Variants in SYP observed in about 807,000 individuals in gnomAD.
SYP encodes major synaptic vesicle protein P38.
A neutral mutation model predicts 24.3 loss-of-function variants in SYP; 2 were observed. That is an observed-to-expected ratio of 0.08 (90% CI 0.03 to 0.26). SYP has a LOEUF of 0.26. SYP is among the 10% of genes least tolerant of loss of function. The probability of loss-of-function intolerance (pLI) is 1.00; values close to 1 mark genes in which losing one functional copy is unlikely to be tolerated. For missense variants in SYP, 216 were observed against 266.3 expected, an observed-to-expected ratio of 0.81 and a Z score of 1.32; for synonymous variants, 143 against 123.2, an observed-to-expected ratio of 1.16 and a Z score of -1.07.
chrX:49,197,375 T>C (rs1464541279), intron 3 of SYP: 1 of 245,562 alleles, frequency 4.1e-6, no homozygotes, highest in Non-Finnish European at 7.4e-6. Flanking sequence ...ATAGAATGAA[T>C]GAATGGGGAT....
In SYP at chrX:49,198,985, C is replaced by A. The variant is rs1557103654; in HGVS notation, c.85G>T (p.Val29Leu). ...ACACTCACCCATTGCAGCACCTTCA[C>A]AAAGCCGAGGGGCTCCTTGACCACC... is the stretch of plus-strand genomic sequence containing the variant. ...FRVVKEPLGFVKVLQWVFAIF... is the reference protein window; with the variant it reads ...FRVVKEPLGFLKVLQWVFAIF... The change falls in exon 2 of 7, where the codon GTG becomes TTG. Residue 29 changes from valine to leucine, a missense_variant. By Grantham distance (32) the Val-to-Leu change is conservative (BLOSUM62 1). Coordinates refer to ENST00000263233, the MANE Select transcript of SYP (RefSeq NM_003179.3). The A allele has an allele frequency of 2.5e-6, 3 of 1,211,617 alleles. No individual in the cohort carries two copies. The highest frequency in any genetic ancestry group is 3.4e-6 in the Non-Finnish European group (3 of 895,461).
rs988189475 is a variant in SYP, at chrX:49,190,338, C to T, written c.*5-1056G>A. 2.7e-5 allele frequency among the ~76,000 whole-genome samples: 3 copies of T among 109,720 alleles called. No homozygotes were observed. In the East Asian group the frequency reaches 8.6e-4, roughly 32 times the overall value. ...GGAACTACAGACGTGCGCCACCATG[C>T]CCGGCTAATTTTTATATGTTTAGTA... On this transcript the variant is annotated intron_variant, in intron 6 of 6. Transcript: ENST00000263233.
rs781912261 is a variant in SYP at position 49,193,307 on chromosome X, T to C, written c.580A>G (p.Arg194Gly). 8.2e-7 allele frequency: 1 copy of C among 1,212,211 alleles called. No individual in the cohort carries two copies. The highest frequency in any genetic ancestry group is 3.0e-5 in the East Asian group (1 of 33,866). ...RQTGNTCKEL[R>G]DPVTSGLNTS... ...TTGAGTCCCGAGGTCACAGGGTCTC[T>C]CAGCTCCTTGCATGTGTTCCCTGTC... Residue 194 changes from arginine to glycine, a missense_variant, in exon 5 of 7, where the codon AGA (arginine) becomes GGA (glycine). By Grantham distance (125) the Arg-to-Gly change is moderately radical. Transcript: ENST00000263233.
chrX:49,198,693 C>T, intron 2 of SYP: 1 of 388,026 alleles, frequency 2.6e-6, no homozygotes, highest in Non-Finnish European at 4.5e-6. Flanking sequence ...CTACAGGCTC[C>T]ACCTCCCCCA....
chrX:49,194,256 G>A lies in SYP; in HGVS notation c.333C>T (p.Ala111=), dbSNP rs145613874. 1.7e-5 allele frequency: 20 copies of A among 1,209,468 alleles called. No homozygotes were observed. In the African/African-American group the frequency reaches 2.8e-4, roughly 17 times the overall value. The change falls in exon 4 of 7, where the codon GCC becomes GCT. Residue 111 remains alanine (A), a synonymous_variant. Transcript: ENST00000263233. ...CCATGGAGTAGAGGAAGGCAAACAC[G>A]GCCACGGTGACAAAGAATTCGGCTG... The part of the protein sequence containing the change: ...SSSAEFFVTV[A]VFAFLYSMGA...
chrX:49,191,087 G>T lies in SYP; in HGVS notation c.*4+346C>A. The T allele has an allele frequency of 9.3e-6, 3 of 321,675 alleles. No homozygotes were observed. In the South Asian group the frequency reaches 1.1e-4, roughly 12 times the overall value. 26.5% of individuals were successfully genotyped at this position (321,675 alleles called of 1,213,427 possible). A position where few individuals can be genotyped will look rare whatever the true frequency, so the allele number is the denominator to read the frequency against. On this transcript the variant is annotated intron_variant, in intron 6 of 6. Transcript: ENST00000263233. ...CCTCCTCGTCGCTTCCGTGGCTCTT[G>T]CGCTCCGCTGATTCGCCACTGCGCA...
At chrX:49,191,326 CCAGTAAACGCCTTACGT>C in intron 6 of SYP, 90 bp downstream of exon 6, 2 of 944,530 alleles carry the variant, frequency 2.1e-6, no homozygotes, top group South Asian at 4.2e-5. Flanking sequence ...CTTACTTGCC[CCAGTAAACGCCTTACGT>C]ACTCTCTACC....
Position 49,199,046 on chromosome X carries a change from A to G in SYP, c.37-13T>C. 1 of 1,209,016 alleles carries G rather than the reference A, an allele frequency of 8.3e-7. No homozygotes were observed. Among genetic ancestry groups the G allele is most frequent in the Non-Finnish European group, 1.1e-6 (1 of 893,778 alleles). The stretch of plus-strand genomic sequence containing the variant: ...CCCCAGCCACCAGCTGAGGAGAGAA[A>G]CAGTGGGGAAGGGGTGGGGTTGTTG... On this transcript the variant is annotated splice_polypyrimidine_tract_variant and intron_variant, in intron 1 of 6. Transcript: ENST00000263233.
At chrX:49,198,763 G>T (rs2065538567) in intron 2 of SYP, 12 of 457,771 alleles carry the variant, frequency 2.6e-5, no homozygotes, top group Non-Finnish European at 2.7e-5. Context: ...CACAACGGGG[G>T]TACCCTCAGC....
At chrX:49,198,052 GTC>G (rs781825704) in intron 2 of SYP, 53 of 448,266 alleles carry the variant, frequency 1.2e-4, no homozygotes, top group Non-Finnish European at 1.8e-4. Flanking sequence ...GTCTCTCTCT[GTC>G]TCTGCCTTTC....
chrX:49,190,813 C>G (rs1190303972), intron 6 of SYP: 1 of 115,106 alleles, frequency 8.7e-6, no homozygotes, highest in Non-Finnish European at 1.8e-5. Flanking sequence ...GCCACCAAGC[C>G]CCGACCCTCA....
At chrX:49,195,688 G>T (rs781791404) in intron 3 of SYP, among the ~76,000 whole-genome samples, 40 of 111,264 alleles carry the variant, frequency 3.6e-4, no homozygotes, top group Non-Finnish European at 6.6e-4. Flanking sequence ...CACAGTCTCA[G>T]ATTGGAGGCC....
chrX:49,194,407 C>T (rs1428257526), intron 3 of SYP, 46 bp from the exon 4 acceptor site: 1 of 1,157,755 alleles, frequency 8.6e-7, no homozygotes, highest in African/African-American at 1.8e-5. Context: ...TCAGAACACC[C>T]TCAACCCTCC....
intron 3 of SYP, 98 bp downstream of exon 3, chrX:49,197,617 G>A: frequency 9.0e-7 from 1 of 1,116,291 alleles, no homozygotes; most frequent in Non-Finnish European, 1.2e-6. Flanking sequence ...CCTCGAGGTG[G>A]GAGCTGGGCA....
chrX:49,191,359 C>T (rs2065507587), intron 6 of SYP, 74 bp downstream of exon 6: 1 of 1,114,410 alleles, frequency 9.0e-7, no homozygotes, highest in South Asian at 1.9e-5. Flanking sequence ...CTACCCCTGA[C>T]TCTTATTGGT....
chrX:49,199,285 TAAG>T (rs1191725807), intron 1 of SYP: 4 of 375,704 alleles, frequency 1.1e-5, no homozygotes, highest in Admixed American at 8.9e-5. Flanking sequence ...CAGGACTAGT[TAAG>T]GAGGGGGAGC....
At chrX:49,195,174 ATT>A (rs112009357) in intron 3 of SYP, among the ~76,000 whole-genome samples, 3 of 101,680 alleles carry the variant, frequency 3.0e-5, no homozygotes, top group African/African-American at 3.6e-5. Context: ...CATACCAGGT[ATT>A]TTTTTTTTTT....
intron 3 of SYP, among the ~76,000 whole-genome samples, chrX:49,194,857 C>T (rs977520235): frequency 3.1e-4 from 34 of 110,558 alleles, no homozygotes; most frequent in Middle Eastern, 9.2e-3. Flanking sequence ...TACAGGCATG[C>T]GCCGCTACGC....
At chrX:49,192,913 A>G (rs953193549) in intron 5 of SYP, among the ~76,000 whole-genome samples, 2 of 111,841 alleles carry the variant, frequency 1.8e-5, no homozygotes, top group African/African-American at 6.5e-5. Flanking sequence ...GAGCGCAGAC[A>G]GTCTGACTCC....
Sources: gnomAD v4.1 joint callset for allele counts (sites outside exome capture counted in the v4.1 genomes callset) on GRCh38, gnomAD v4.1.1 for gene constraint, MANE v1.5 for transcripts, NCBI Gene and HGNC (gene_info 2026-07-23, HGNC 2026-07-21) for gene names.